The following EPHB1 variants were observed in gnomAD, a reference collection of about 807,000 sequenced individuals.
EPHB1 encodes EPH receptor B1.
A neutral mutation model predicts 94.4 loss-of-function variants in EPHB1; 30 were observed. That is an observed-to-expected ratio of 0.32 (90% CI 0.24 to 0.43). The LOEUF (loss-of-function observed/expected upper bound fraction) is 0.43. Among genes scored for constraint, EPHB1 ranks in the 20% least tolerant of loss-of-function variants. EPHB1 has a pLI of 1.00. For missense variants in EPHB1, 1,055 were observed against 1,308.3 expected, an observed-to-expected ratio of 0.81 and a Z score of 2.99; for synonymous variants, 522 against 489.1, an observed-to-expected ratio of 1.07 and a Z score of -0.89.
At chr3:135,160,659 C>T (rs1440048747) in intron 6 of EPHB1, among the ~76,000 whole-genome samples, 3 of 152,140 alleles carry the variant, frequency 2.0e-5, no homozygotes, top group African/African-American at 7.2e-5. Context: ...GCAGATAACC[C>T]AGGATCTTTG....
intron 12 of EPHB1, among the ~76,000 whole-genome samples, chr3:135,223,535 A>G (rs116030527): frequency 2.4e-3 from 361 of 152,310 alleles, no homozygotes; most frequent in Non-Finnish European, 3.7e-3. Context: ...AACCATGTCC[A>G]ATACTGGCTT....
chr3:134,801,977 A>C (rs964076915), intron 1 of EPHB1, among the ~76,000 whole-genome samples: 7 of 152,250 alleles, frequency 4.6e-5, no homozygotes, highest in Non-Finnish European at 8.8e-5. Flanking sequence ...ACCACTTTCT[A>C]TCTGACTTAA....
chr3:134,827,824 G>A (rs965366336), intron 1 of EPHB1, among the ~76,000 whole-genome samples: 3 of 152,106 alleles, frequency 2.0e-5, no homozygotes, highest in African/African-American at 7.2e-5. Context: ...TAGGGTGAGT[G>A]GGTGCTGGCT....
At chr3:134,990,052 T>G (rs1934742696) in intron 3 of EPHB1, among the ~76,000 whole-genome samples, 1 of 152,226 alleles carries the variant, frequency 6.6e-6, no homozygotes, top group Non-Finnish European at 1.5e-5. Flanking sequence ...GTAACAATTC[T>G]TGGTTGCTTT....
chr3:134,922,965 A>C (rs2038717889), intron 1 of EPHB1, among the ~76,000 whole-genome samples: 1 of 152,118 alleles, frequency 6.6e-6, no homozygotes, highest in Non-Finnish European at 1.5e-5. Flanking sequence ...AATCATGGAG[A>C]TGAGTTTCTA....
intron 5 of EPHB1, among the ~76,000 whole-genome samples, chr3:135,138,467 A>T (rs752586711): frequency 6.6e-6 from 1 of 152,232 alleles, no homozygotes; most frequent in Non-Finnish European, 1.5e-5. Flanking sequence ...GAATTTTATG[A>T]TATTGCAATA....
chr3:135,038,083 A>C (rs1936705883), intron 3 of EPHB1, among the ~76,000 whole-genome samples: 1 of 152,122 alleles, frequency 6.6e-6, no homozygotes, highest in Non-Finnish European at 1.5e-5. Context: ...TCCTCACCAG[A>C]GTAAGGTGTG....
chr3:135,005,781 C>A (rs1935382828), intron 3 of EPHB1, among the ~76,000 whole-genome samples: 1 of 152,262 alleles, frequency 6.6e-6, no homozygotes, highest in Admixed American at 6.5e-5. Flanking sequence ...ACCCCTTGTG[C>A]TTCCCGAGTG....
intron 11 of EPHB1, among the ~76,000 whole-genome samples, chr3:135,199,412 C>T (rs1043097918): frequency 3.3e-5 from 5 of 152,216 alleles, no homozygotes; most frequent in South Asian, 4.1e-4. Flanking sequence ...GGAAGATCTG[C>T]ATCACTCACT....
intron 3 of EPHB1, among the ~76,000 whole-genome samples, chr3:135,048,709 T>G (rs922198950): frequency 3.9e-5 from 6 of 152,230 alleles, no homozygotes; most frequent in Admixed American, 1.3e-4. Context: ...ACATCTGGCA[T>G]GCAGTGGGCA....
chr3:135,248,560 G>A, intron 14 of EPHB1, 51 bp downstream of exon 14: 1 of 1,493,074 alleles, frequency 6.7e-7, no homozygotes, highest in Non-Finnish European at 9.0e-7. Context: ...TCATGGTCAG[G>A]GGCATAGCCA....
chr3:135,075,376 A>T (rs13094860), intron 3 of EPHB1, among the ~76,000 whole-genome samples: 51,079 of 152,030 alleles, frequency 0.34, 10,704 homozygotes, highest in East Asian at 0.72. Flanking sequence ...CCATCTGATG[A>T]GTAGACCTGC....
intron 13 of EPHB1, among the ~76,000 whole-genome samples, chr3:135,245,092 G>T (rs1943887211): frequency 6.6e-6 from 1 of 152,112 alleles, no homozygotes; most frequent in Non-Finnish European, 1.5e-5. Flanking sequence ...TATCTTCCTG[G>T]ACCTCCAAAA....
chr3:135,078,274 C>T (rs1435934235), intron 3 of EPHB1, among the ~76,000 whole-genome samples: 28 of 152,168 alleles, frequency 1.8e-4, no homozygotes, highest in Admixed American at 1.8e-3. Context: ...CTGATATCTC[C>T]TCCCTCAGAA....
intron 4 of EPHB1, among the ~76,000 whole-genome samples, chr3:135,115,154 A>T (rs1047746960): frequency 1.3e-5 from 2 of 152,194 alleles, no homozygotes; most frequent in Admixed American, 1.3e-4. Context: ...CGTGAAGTGC[A>T]TCCATGTAAT....
chr3:134,913,783 T>C (rs1218153971), intron 1 of EPHB1, among the ~76,000 whole-genome samples: 2 of 152,192 alleles, frequency 1.3e-5, no homozygotes, highest in East Asian at 3.9e-4. Context: ...CAGTCTCCTG[T>C]GCTCTGCATG....
intron 9 of EPHB1, among the ~76,000 whole-genome samples, chr3:135,169,387 T>G (rs1038080907): frequency 1.3e-5 from 2 of 152,182 alleles, no homozygotes; most frequent in African/African-American, 4.8e-5. Context: ...TTAATTCGGT[T>G]TGCCTTTTAT....
chr3:135,198,232 A>G (rs1942673724), intron 11 of EPHB1, among the ~76,000 whole-genome samples: 1 of 152,136 alleles, frequency 6.6e-6, no homozygotes, highest in Non-Finnish European at 1.5e-5. Context: ...TGGAGAAGTG[A>G]TTTACCATTC....
intron 4 of EPHB1, among the ~76,000 whole-genome samples, chr3:135,128,503 C>T (rs545857559): frequency 8.5e-5 from 13 of 152,220 alleles, no homozygotes; most frequent in Admixed American, 7.2e-4. Context: ...CACCTGGGGC[C>T]ATCATCATTT....
Sources: allele counts gnomAD v4.1 joint callset (sites outside exome capture counted in the v4.1 genomes callset), GRCh38; gene constraint gnomAD v4.1.1; transcripts MANE v1.5; gene names NCBI Gene and HGNC (gene_info 2026-07-23, HGNC 2026-07-21).